Variants in TDRD12 observed in about 807,000 individuals in gnomAD.
TDRD12 encodes putative ATP-dependent RNA helicase TDRD12.
In TDRD12, 158 loss-of-function variants were observed where a neutral mutation model predicts 133.5. The ratio of observed to expected loss-of-function variants is 1.18; its 90% CI spans 1.04 to 1.35. The LOEUF (loss-of-function observed/expected upper bound fraction) is 1.35, where lower values mean the gene tolerates loss of function less well. Ranked by LOEUF, TDRD12 falls within the 40% of genes most tolerant of loss-of-function variation. The pLI is 0.00. For missense variants in TDRD12, 1,443 were observed against 1,321.3 expected, an observed-to-expected ratio of 1.09 and a Z score of -1.43; for synonymous variants, 460 against 477.9, an observed-to-expected ratio of 0.96 and a Z score of 0.49.
intron 3 of TDRD12, among the ~76,000 whole-genome samples, chr19:32,740,659 C>G (rs1450862654): frequency 2.0e-5 from 3 of 152,160 alleles, no homozygotes; most frequent in Admixed American, 6.5e-5. Flanking sequence ...TCCTTGTGCC[C>G]TTTAGGGAGG....
intron 2 of TDRD12, among the ~76,000 whole-genome samples, chr19:32,737,352 A>G (rs1969255293): frequency 6.6e-6 from 1 of 151,628 alleles, no homozygotes; most frequent in Admixed American, 6.6e-5. Context: ...CTACAGGCAC[A>G]TGCCACCATC....
At chr19:32,809,446 C>T (rs1966922395) in intron 22 of TDRD12, among the ~76,000 whole-genome samples, 1 of 152,170 alleles carries the variant, frequency 6.6e-6, no homozygotes, top group Admixed American at 6.5e-5. Flanking sequence ...CCAGCCCGGT[C>T]CTCTCCCCTA....
At chr19:32,826,268 C>A in exon 8 of TDRD12, 5 of 1,455,358 alleles carry the variant, frequency 3.4e-6, no homozygotes, top group Middle Eastern at 1.8e-4. Flanking sequence ...TAAAATGGTT[C>A]CAAAAAGAAG....
chr19:32,789,791 A>G lies in TDRD12; in HGVS notation c.1122-740A>G, dbSNP rs147495728. ...CGAGGCAGGCGGTTCACCTGAGGTC[A>G]GGAGTTCGAGACCAGCCTGGACAAC... On this transcript the variant is annotated intron_variant, in intron 11 of 27. Coordinates refer to ENST00000444215, the Ensembl canonical transcript of TDRD12. 5.5e-3 allele frequency among the ~76,000 whole-genome samples: 844 copies of G among 152,306 alleles called. 2 individuals are homozygous for G. The highest frequency in any genetic ancestry group is 9.9e-3 in the Non-Finnish European group (675 of 68,010).
At chr19:32,722,891 G>A (rs955828380) in intron 1 of TDRD12, among the ~76,000 whole-genome samples, 1 of 151,910 alleles carries the variant, frequency 6.6e-6, no homozygotes, top group Non-Finnish European at 1.5e-5. Flanking sequence ...TCTTGTCCAG[G>A]CTGGTCTGCA....
rs946659527 is a variant in TDRD12, at chr19:32,804,380, T to C, written c.2552+1238T>C. On this transcript the variant is annotated intron_variant, in intron 21 of 27. Transcript: ENST00000444215. ...AGCCACCGCGCCCAGCCTGATGACT[T>C]TGTGTGCTTATAGGAAATATTTGCC... 8.7e-5 allele frequency among the ~76,000 whole-genome samples: 13 copies of C among 149,644 alleles called. 1 individual carries two copies. The highest frequency in any genetic ancestry group is 6.6e-5 in the Admixed American group (1 of 15,070).
At chr19:32,752,887 G>A (rs572824407) in intron 6 of TDRD12, among the ~76,000 whole-genome samples, 1 of 150,906 alleles carries the variant, frequency 6.6e-6, no homozygotes, top group South Asian at 2.1e-4. Flanking sequence ...CCACCTCCTG[G>A]GTTCATGCCA....
At position 32,807,267 on chromosome 19, in the gene TDRD12, T is replaced by TAAAAAAAAAAAA. The variant is rs59421213; in HGVS notation, c.2553-264_2553-253dup. On this transcript the variant is annotated intron_variant, in intron 21 of 27. Transcript: ENST00000444215. ...GGGCAACAGAGTGAGACCAAACTCTTAAAAAAAAAAAAAAAAAAAAAAAAA... is the reference window on the plus strand; with the variant it reads ...GGGCAACAGAGTGAGACCAAACTCTTAAAAAAAAAAAAAAAAAAAAAAAAAAAAAAAAAAAAA... Among the ~76,000 whole-genome samples the TAAAAAAAAAAAA allele has an allele frequency of 5.1e-4, 24 of 47,198 alleles. 1 individual carries two copies. The highest frequency in any genetic ancestry group is 3.5e-3 in the East Asian group (4 of 1,146). 31.0% of individuals were successfully genotyped at this position (47,198 alleles called of 152,430 possible).
chr19:32,737,914 C>T (rs1969274291), intron 2 of TDRD12, among the ~76,000 whole-genome samples: 1 of 151,910 alleles, frequency 6.6e-6, no homozygotes, highest in African/African-American at 2.4e-5. Context: ...GGGTGGATCA[C>T]CTGAGGTCAG....
At chr19:32,766,775 C>T (rs578143667) in intron 8 of TDRD12, among the ~76,000 whole-genome samples, 38 of 151,974 alleles carry the variant, frequency 2.5e-4, no homozygotes, top group African/African-American at 7.2e-4. Flanking sequence ...CCACCACGCC[C>T]GGCTAGTTTT....
At chr19:32,791,038 C>T (rs780486040) in exon 13 of TDRD12, 10 of 1,536,134 alleles carry the variant, frequency 6.5e-6, no homozygotes, top group Admixed American at 2.0e-5. Flanking sequence ...TAACCATTGA[C>T]TCGTCGCCGC....
chr19:32,758,898 C>T (rs1308305576), intron 8 of TDRD12, among the ~76,000 whole-genome samples: 2 of 151,828 alleles, frequency 1.3e-5, no homozygotes, highest in Non-Finnish European at 2.9e-5. Flanking sequence ...TATGTCATTG[C>T]ACTCCAGCCT....
At chr19:32,749,410 C>T (rs956696183) in intron 5 of TDRD12, among the ~76,000 whole-genome samples, 1 of 152,126 alleles carries the variant, frequency 6.6e-6, no homozygotes, top group African/African-American at 2.4e-5. Context: ...TAGCACAGCA[C>T]CTGGTAGGTG....
intron 21 of TDRD12, among the ~76,000 whole-genome samples, chr19:32,804,259 A>T (rs1971479246): frequency 6.6e-6 from 1 of 151,186 alleles, no homozygotes; most frequent in Non-Finnish European, 1.5e-5. Flanking sequence ...TTTTTAGTAG[A>T]TATGGGGTTT....
chr19:32,812,582 C>T (rs1001250228), intron 24 of TDRD12, among the ~76,000 whole-genome samples: 2 of 152,176 alleles, frequency 1.3e-5, no homozygotes, highest in Non-Finnish European at 1.5e-5. Context: ...TAATGACTGT[C>T]TGCTGTGTAC....
intron 10 of TDRD12, among the ~76,000 whole-genome samples, 169 bp downstream of exon 10, chr19:32,773,701 A>AAAT (rs1179574835): frequency 1.3e-5 from 2 of 152,076 alleles, no homozygotes; most frequent in East Asian, 3.8e-4. Context: ...CTTATCTCTA[A>AAAT]AATAATAATA....
intron 21 of TDRD12, among the ~76,000 whole-genome samples, chr19:32,805,137 A>AAGAT: frequency 6.8e-6 from 1 of 147,842 alleles, no homozygotes; most frequent in East Asian, 2.0e-4. Flanking sequence ...GTCTCTTTAA[A>AAGAT]ATATATATAT....
intron 1 of TDRD12, among the ~76,000 whole-genome samples, chr19:32,731,522 G>C (rs1969053043): frequency 6.6e-6 from 1 of 151,846 alleles, no homozygotes; most frequent in African/African-American, 2.4e-5. Flanking sequence ...CGTTATTTGA[G>C]TCACAACACA....
At chr19:32,781,890 T>C (rs1970777548) in intron 11 of TDRD12, among the ~76,000 whole-genome samples, 1 of 152,186 alleles carries the variant, frequency 6.6e-6, no homozygotes, top group Admixed American at 6.5e-5. Context: ...CTGCGTGTTC[T>C]CTGTCTTCTT....
Sources: gnomAD v4.1 joint callset for allele counts (sites outside exome capture counted in the v4.1 genomes callset) on GRCh38, gnomAD v4.1.1 for gene constraint, MANE v1.5 for transcripts, NCBI Gene and HGNC (gene_info 2026-07-23, HGNC 2026-07-21) for gene names.